The following NEK6 variants were observed in gnomAD, a reference collection of about 807,000 sequenced individuals.
NEK6 encodes NIMA related kinase 6.
In NEK6, 27 loss-of-function variants were observed where a neutral mutation model predicts 43.5. That is an observed-to-expected ratio of 0.62 (90% CI 0.46 to 0.86). NEK6 has a LOEUF of 0.86. Ranked by LOEUF, NEK6 falls within the 40% of genes least tolerant of loss-of-function variation. NEK6 has a pLI of 0.00. For missense variants in NEK6, 318 were observed against 414.4 expected, an observed-to-expected ratio of 0.77 and a Z score of 2.02; for synonymous variants, 167 against 164.1, an observed-to-expected ratio of 1.02 and a Z score of -0.14.
intron 1 of NEK6, among the ~76,000 whole-genome samples, chr9:124,296,374 TAC>T (rs1380980219): frequency 6.6e-6 from 1 of 151,352 alleles, no homozygotes; most frequent in East Asian, 1.9e-4. Flanking sequence ...GAGAGGGGAG[TAC>T]AGTGTCTGGC....
chr9:124,302,736 C>T (rs1178034880), intron 2 of NEK6, among the ~76,000 whole-genome samples: 2 of 152,252 alleles, frequency 1.3e-5, no homozygotes, highest in Non-Finnish European at 1.5e-5. Context: ...CACTTCCACC[C>T]TGCTCTCTGC....
At chr9:124,321,064 G>C (rs957911080) in intron 4 of NEK6, among the ~76,000 whole-genome samples, 1 of 152,264 alleles carries the variant, frequency 6.6e-6, no homozygotes, top group African/African-American at 2.4e-5. Context: ...GGGACAGAGA[G>C]GTGGGGCCCA....
intron 2 of NEK6, among the ~76,000 whole-genome samples, chr9:124,310,150 A>G (rs1225827073): frequency 1.3e-5 from 2 of 152,164 alleles, no homozygotes; most frequent in East Asian, 3.9e-4. Flanking sequence ...CTGGGGTCAC[A>G]CCCCAGCTCT....
chr9:124,260,853 A>C (rs951565736), intron 1 of NEK6, among the ~76,000 whole-genome samples: 29 of 152,198 alleles, frequency 1.9e-4, no homozygotes, highest in Non-Finnish European at 3.8e-4. Context: ...GCCAAAGACC[A>C]TGTGCTAATA....
At chr9:124,263,771 C>T (rs577409765) in intron 1 of NEK6, among the ~76,000 whole-genome samples, 6 of 152,304 alleles carry the variant, frequency 3.9e-5, no homozygotes, top group Admixed American at 1.3e-4. Flanking sequence ...GGGAAGGAGA[C>T]AGCGCAGTTT....
chr9:124,346,884 T>C (rs1265155757), intron 8 of NEK6, among the ~76,000 whole-genome samples: 1 of 152,186 alleles, frequency 6.6e-6, no homozygotes, highest in African/African-American at 2.4e-5. Flanking sequence ...AGGCCTCACC[T>C]CATCAAAGGC....
intron 8 of NEK6, among the ~76,000 whole-genome samples, chr9:124,342,522 G>A (rs1232213265): frequency 6.6e-6 from 1 of 152,228 alleles, no homozygotes. Context: ...AGGCCCTAGG[G>A]GTGAGGTGCC....
chr9:124,287,553 G>C (rs1052989064), intron 1 of NEK6, among the ~76,000 whole-genome samples: 2 of 152,204 alleles, frequency 1.3e-5, no homozygotes, highest in Non-Finnish European at 2.9e-5. Context: ...GGCCAGATGC[G>C]GTGGCTCATG....
chr9:124,341,355 T>C (rs2131052423), intron 8 of NEK6, among the ~76,000 whole-genome samples: 1 of 151,940 alleles, frequency 6.6e-6, no homozygotes, highest in Non-Finnish European at 1.5e-5. Context: ...TGGGACCCCT[T>C]CTCCCGGGGC....
Position 124,326,202 on chromosome 9 carries a change from T to TCCACCCCCCCCCCC in NEK6, c.406-126_406-125insACCCCCCCCCCCCC. The TCCACCCCCCCCCCC allele has an allele frequency of 8.1e-6, 1 of 124,052 alleles. No homozygotes were observed. The highest frequency in any genetic ancestry group is 2.0e-5 in the Non-Finnish European group (1 of 50,618). The allele number at this position is 124,052 out of a possible 1,614,324, so 7.7% of individuals were successfully genotyped here. A position where few individuals can be genotyped will look rare whatever the true frequency, so the allele number is the denominator to read the frequency against. On this transcript the variant is annotated intron_variant, in intron 5 of 9. Transcript: ENST00000320246. This position sits in a 1 kb window ranked among gnomAD's most constrained non-coding sequence, Gnocchi z 4.5. The stretch of plus-strand genomic sequence containing the variant: ...GCTTATTGTTTGCTCAGTGGCTCAA[T>TCCACCCCCCCCCCC]CCCCCCCCCCCGCCCCTGCCAGGCA...
intron 2 of NEK6, among the ~76,000 whole-genome samples, 172 bp from the exon 3 acceptor site, chr9:124,312,337 C>G (rs1480134768): frequency 6.6e-6 from 1 of 152,114 alleles, no homozygotes; most frequent in African/African-American, 2.4e-5. Flanking sequence ...CCAGGGGACC[C>G]TGTGCAGAAA....
chr9:124,301,825 G>A, intron 1 of NEK6, 111 bp from the exon 2 acceptor site: 2 of 870,410 alleles, frequency 2.3e-6, no homozygotes, highest in African/African-American at 1.7e-5. Context: ...GCAAATTACT[G>A]AACGGCTTTG....
chr9:124,344,067 G>A (rs2131073728), intron 8 of NEK6, among the ~76,000 whole-genome samples: 1 of 152,286 alleles, frequency 6.6e-6, no homozygotes, highest in South Asian at 2.1e-4. Flanking sequence ...GGAAAATGGA[G>A]AGGCCACCCG....
intron 1 of NEK6, among the ~76,000 whole-genome samples, chr9:124,274,283 G>A (rs894858879): frequency 6.6e-6 from 1 of 152,264 alleles, no homozygotes; most frequent in African/African-American, 2.4e-5. Flanking sequence ...AGTGGCAGAT[G>A]TGAACGGGGC....
chr9:124,339,018 G>T (rs1052835214), intron 7 of NEK6, among the ~76,000 whole-genome samples: 1 of 84,794 alleles, frequency 1.2e-5, no homozygotes, highest in African/African-American at 4.4e-5. Flanking sequence ...GCCCCATCCT[G>T]ATTTTTTTTT....
intron 8 of NEK6, 73 bp downstream of exon 8, chr9:124,339,738 AC>A (rs1360014511): frequency 6.4e-6 from 7 of 1,089,968 alleles, no homozygotes; most frequent in Non-Finnish European, 9.9e-6. Context: ...GACAGGGCTC[AC>A]CCTACCAGCT....
rs939057191 is a variant in NEK6, at chr9:124,327,426, C to T, written c.603C>T (p.Thr201=). ...TGGGCCGCTTCTTCAGCTCTGAGAC[C>T]ACCGCAGCCCACTCCCTAGGTAAGG... ...LGLGRFFSSE[T]TAAHSLVGTP... is the part of the protein sequence containing the mutation. Residue 201 remains threonine, a synonymous_variant, in exon 7 of 10, where the codon ACC becomes ACT. Transcript: ENST00000320246. 4 of 1,612,834 alleles carry T rather than the reference C, an allele frequency of 2.5e-6. No homozygotes were observed. The highest frequency in any genetic ancestry group is 1.3e-5 in the African/African-American group (1 of 75,058).
rs1167516898 is a variant in NEK6 at position 124,301,978 on chromosome 9, C to T, written c.14C>T (p.Pro5Leu). The T allele has an allele frequency of 1.2e-6, 2 of 1,600,874 alleles. No individual in the cohort carries two copies. The highest frequency in any genetic ancestry group is 3.4e-5 in the Admixed American group (2 of 58,586). MAGQ[P>L]GHMPHGGSSN... ...CTGGCATGCAGGATGGCAGGACAGC[C>T]CGGCCACATGCCCCATGGAGGGAGT... is the stretch of plus-strand genomic sequence containing the variant. Residue 5 changes from proline to leucine, a missense_variant, in exon 2 of 10, where the codon CCC (proline) becomes CTC (leucine). This residue lies in a region of NEK6 where 239 missense variants were observed against 344.4 expected (regional missense o/e 0.69). Transcript: ENST00000320246.
chr9:124,294,387 G>A (rs545651863), intron 1 of NEK6, among the ~76,000 whole-genome samples: 1 of 152,158 alleles, frequency 6.6e-6, no homozygotes, highest in East Asian at 1.9e-4. Context: ...TGAGAAGCAG[G>A]TTCAAATGGC....
Sources: gnomAD v4.1 joint callset for allele counts (sites outside exome capture counted in the v4.1 genomes callset) on GRCh38, gnomAD v4.1.1 for gene constraint, gnomAD v4.1.1 regional missense constraint, Gnocchi (gnomAD v3.1) non-coding constraint, MANE v1.5 for transcripts, NCBI Gene and HGNC (gene_info 2026-07-23, HGNC 2026-07-21) for gene names.